The following COLEC10 variants were observed in gnomAD, a reference collection of about 807,000 sequenced individuals.
COLEC10 encodes the protein collectin subfamily member 10, also known as collectin-10.
A neutral mutation model predicts 28.4 loss-of-function variants in COLEC10; 22 were observed. The observed-to-expected ratio is 0.78, with a 90% CI of 0.55 to 1.11. The LOEUF (loss-of-function observed/expected upper bound fraction) is 1.11, where lower values mean the gene tolerates loss of function less well. Among genes scored for constraint, COLEC10 ranks in the 50% least tolerant of loss-of-function variants. The pLI is 0.00. For missense variants in COLEC10, 361 were observed against 344.1 expected, an observed-to-expected ratio of 1.05 and a Z score of -0.39; for synonymous variants, 125 against 116.1, an observed-to-expected ratio of 1.08 and a Z score of -0.49.
chr8:119,059,849 A>C (rs1416064766), intron 2 of COLEC10, among the ~76,000 whole-genome samples: 1 of 152,114 alleles, frequency 6.6e-6, no homozygotes, highest in Non-Finnish European at 1.5e-5. Flanking sequence ...TTCATGTATC[A>C]AAATTGCAAA....
chr8:119,014,004 A>G (rs1051981080), intron 2 of COLEC10, among the ~76,000 whole-genome samples: 1 of 150,778 alleles, frequency 6.6e-6, no homozygotes, highest in Admixed American at 6.6e-5. Flanking sequence ...TATTGCTCTC[A>G]TTAATATCAC....
At chr8:118,965,495 G>A in the COLEC10 span, among the ~76,000 whole-genome samples, 5 of 151,894 alleles carry the variant, frequency 3.3e-5, no homozygotes, top group African/African-American at 4.8e-5. Flanking sequence ...TCTCACCCCC[G>A]TCTCAACAAG....
At chr8:119,030,555 T>C (rs747041515) in intron 2 of COLEC10, among the ~76,000 whole-genome samples, 2 of 152,154 alleles carry the variant, frequency 1.3e-5, no homozygotes, top group Non-Finnish European at 2.9e-5. Context: ...ATCCTGGTTC[T>C]ACTACTGACT....
chr8:119,076,207 A>C (rs1373413421), intron 1 of COLEC10, among the ~76,000 whole-genome samples: 3 of 149,868 alleles, frequency 2.0e-5, no homozygotes, highest in African/African-American at 7.4e-5. Context: ...CACCACATCC[A>C]GCCAATCAGC....
the COLEC10 span, among the ~76,000 whole-genome samples, chr8:118,972,375 G>A: frequency 1.3e-5 from 2 of 151,958 alleles, no homozygotes; most frequent in African/African-American, 4.8e-5. Context: ...CTCTAGGGCT[G>A]TGGGTACCTG....
intron 2 of COLEC10, among the ~76,000 whole-genome samples, chr8:119,057,757 T>TA (rs1478781616): frequency 2.6e-5 from 4 of 152,102 alleles, no homozygotes; most frequent in African/African-American, 4.8e-5. Flanking sequence ...CCTATACAAT[T>TA]ATTCATTCTA....
At chr8:119,022,119 T>C (rs1182555114) in intron 2 of COLEC10, among the ~76,000 whole-genome samples, 1 of 152,066 alleles carries the variant, frequency 6.6e-6, no homozygotes. Context: ...TCTTGATATT[T>C]TAGAAAAAAA....
chr8:119,022,880 CCA>C (rs1404199758), intron 2 of COLEC10, among the ~76,000 whole-genome samples: 1 of 152,100 alleles, frequency 6.6e-6, no homozygotes, highest in African/African-American at 2.4e-5. Context: ...CCTCCATACC[CCA>C]GTTTTCCATC....
chr8:119,061,021 C>T (rs1302092370), intron 2 of COLEC10, among the ~76,000 whole-genome samples: 1 of 151,734 alleles, frequency 6.6e-6, no homozygotes, highest in Non-Finnish European at 1.5e-5. Context: ...AAAAGTAAGA[C>T]AAAAGCTATA....
rs144776474 is a variant in COLEC10 at position 119,016,898 on chromosome 8, G to A, written n.235+7345G>A. On this transcript the variant is annotated intron_variant and non_coding_transcript_variant, in intron 2 of 6. Transcript: ENST00000521788. Reference sequence around the variant, plus strand: ...CGCCCAGCTAATTCTTGTATTTTTTGTAGAGATGGAGTTTCACCATGTTGG... The same window carrying A: ...CGCCCAGCTAATTCTTGTATTTTTTATAGAGATGGAGTTTCACCATGTTGG... Among the ~76,000 whole-genome samples the A allele has an allele frequency of 5.6e-3, 852 of 152,184 alleles. 13 individuals are homozygous for A. Among genetic ancestry groups the A allele is most frequent in the African/African-American group, 0.02 (831 of 41,510 alleles).
Position 119,101,665 on chromosome 8 carries a change from C to T in COLEC10, c.293-683C>T, listed in dbSNP as rs530575884. Among the ~76,000 whole-genome samples, 12 of 152,254 alleles carry T rather than the reference C, an allele frequency of 7.9e-5. No homozygotes were observed. The South Asian group carries it at 2.5e-3, about 32-fold the overall frequency. On this transcript the variant is annotated intron_variant, in intron 3 of 5. Coordinates refer to ENST00000332843, the MANE Select transcript of COLEC10 (RefSeq NM_006438.5). ...TCACTTCACTTCTAAAAATTGTAAA[C>T]TCCTTCAAGTCATAGGTTGAATCTT... is the stretch of plus-strand genomic sequence containing the variant.
the COLEC10 span, among the ~76,000 whole-genome samples, chr8:118,971,079 G>A: frequency 1.3e-5 from 2 of 152,068 alleles, no homozygotes; most frequent in East Asian, 1.9e-4. Flanking sequence ...TCTTCGCCAA[G>A]GAAGGGGGAG....
At chr8:119,060,009 T>C (rs1814826457) in intron 2 of COLEC10, among the ~76,000 whole-genome samples, 1 of 152,112 alleles carries the variant, frequency 6.6e-6, no homozygotes, top group Admixed American at 6.6e-5. Flanking sequence ...GACTAATTTT[T>C]AAGGGGAAGA....
upstream of COLEC10, among the ~76,000 whole-genome samples, chr8:119,063,705 A>T (rs990177843): frequency 1.4e-4 from 19 of 138,450 alleles, no homozygotes; most frequent in African/African-American, 2.7e-4. Flanking sequence ...ATATATATAT[A>T]TTTTTTAAGG....
At chr8:119,081,831 A>G (rs2450072) in intron 1 of COLEC10, among the ~76,000 whole-genome samples, 60,288 of 151,926 alleles carry the variant, frequency 0.4, 12,608 homozygotes, top group Non-Finnish European at 0.47. Context: ...TTTGAATTGG[A>G]TAGTAGAATG....
At chr8:118,959,673 C>G in the COLEC10 span, among the ~76,000 whole-genome samples, 3 of 152,174 alleles carry the variant, frequency 2.0e-5, no homozygotes, top group Non-Finnish European at 4.4e-5. Context: ...AAAGAATGTT[C>G]ATGCTACAGC....
At chr8:118,953,384 T>A in the COLEC10 span, among the ~76,000 whole-genome samples, 1 of 152,234 alleles carries the variant, frequency 6.6e-6, no homozygotes, top group Non-Finnish European at 1.5e-5. Flanking sequence ...TCAATCCAAG[T>A]GTTAGTAGTG....
At position 119,074,878 on chromosome 8, in the gene COLEC10, A is replaced by G. The variant is rs1285655421; in HGVS notation, c.148+7449A>G. ...GATTGCATGAGTGAAAACACAGAAAACTGAACCTCAGATTTCTCATCAGTA... is the reference window on the plus strand; with the variant it reads ...GATTGCATGAGTGAAAACACAGAAAGCTGAACCTCAGATTTCTCATCAGTA... On this transcript the variant is annotated intron_variant, in intron 1 of 5. Coordinates refer to ENST00000332843, the MANE Select transcript of COLEC10 (RefSeq NM_006438.5). Among the ~76,000 whole-genome samples the G allele has an allele frequency of 2.6e-5, 4 of 152,170 alleles. No homozygotes were observed. In the East Asian group the frequency reaches 7.7e-4, roughly 29 times the overall value.
chr8:119,035,952 A>C (rs921482902), intron 2 of COLEC10, among the ~76,000 whole-genome samples: 3 of 152,030 alleles, frequency 2.0e-5, no homozygotes, highest in African/African-American at 7.2e-5. Context: ...TGTTTTAGGG[A>C]GTTTTTTTAC....
Sources: allele counts gnomAD v4.1 joint callset (sites outside exome capture counted in the v4.1 genomes callset), GRCh38; gene constraint gnomAD v4.1.1; transcripts MANE v1.5; gene names NCBI Gene and HGNC (gene_info 2026-07-23, HGNC 2026-07-21).